The following ACER3 variants were observed in gnomAD, a reference collection of about 807,000 sequenced individuals.
The protein encoded by ACER3 is alkaline ceramidase 3.
ACER3 carries 16 observed loss-of-function variants against 48.9 expected under a neutral mutation model. That is an observed-to-expected ratio of 0.33 (90% confidence interval 0.22 to 0.50). The LOEUF (loss-of-function observed/expected upper bound fraction) is 0.50. ACER3 is among the 20% of genes least tolerant of loss of function. The probability of loss-of-function intolerance (pLI) is 0.98; values close to 1 mark genes in which losing one functional copy is unlikely to be tolerated. For synonymous variants in ACER3, 109 were observed against 107.8 expected (o/e 1.01, Z -0.07); for missense variants, 227 against 326.0 (o/e 0.70, Z 2.34).
Position 76,974,381 on chromosome 11 carries a change from A to C in ACER3, c.268-1908A>C, listed in dbSNP as rs1342371971. On this transcript the variant is annotated intron_variant, in intron 3 of 10. Coordinates refer to ENST00000532485, the MANE Select transcript of ACER3 (RefSeq NM_018367.7). ...TTCTTACTTTTATTGTTTCTGGATA[A>C]AGATCAGTCTTAGTACTAAGGTAAG... is the stretch of plus-strand genomic sequence containing the variant. Among the ~76,000 whole-genome samples the C allele has an allele frequency of 2.0e-5, 3 of 152,226 alleles. No individual in the cohort carries two copies. In the East Asian group the frequency reaches 5.8e-4, roughly 29 times the overall value.
At chr11:76,868,883 A>G (rs1362799850) in intron 1 of ACER3, among the ~76,000 whole-genome samples, 3 of 152,262 alleles carry the variant, frequency 2.0e-5, no homozygotes, top group African/African-American at 7.2e-5. Context: ...AGGAAGGTGA[A>G]CAAGAACTCA....
chr11:76,861,528 A>G lies in ACER3; in HGVS notation c.103+449A>G, dbSNP rs370176093. On this transcript the variant is annotated intron_variant, in intron 1 of 10. Coordinates refer to ENST00000532485, the MANE Select transcript of ACER3 (RefSeq NM_018367.7). ...AGTTCCTAGCTTCGTCTTTCCCCCA[A>G]TCCGTGAGAATTCTACCGTCTTTCC... 5.3e-5 allele frequency among the ~76,000 whole-genome samples: 8 copies of G among 152,028 alleles called. No individual in the cohort carries two copies. In the East Asian group the frequency reaches 7.7e-4, roughly 15 times the overall value.
intron 1 of ACER3, among the ~76,000 whole-genome samples, chr11:76,890,847 C>T (rs1486079105): frequency 6.6e-6 from 1 of 152,092 alleles, no homozygotes; most frequent in Non-Finnish European, 1.5e-5. Flanking sequence ...TCACCGGGTG[C>T]GGTGGCTCAC....
Position 76,861,030 on chromosome 11 carries a change from G to A in ACER3, c.54G>A (p.Leu18=). The change falls in exon 1 of 11, where the codon CTG becomes CTA. Residue 18 remains leucine (L), a synonymous_variant. Transcript: ENST00000532485. ...ACTGGGGCCCCACGACCTCCACGCT[G>A]GACTGGTGCGAGGAGAACTACTCCG... ...EGYWGPTTST[L]DWCEENYSVT... 6.5e-7 allele frequency: 1 copy of A among 1,548,412 alleles called. No individual in the cohort carries two copies. Among genetic ancestry groups the A allele is most frequent in the Admixed American group, 2.0e-5 (1 of 50,988 alleles).
intron 1 of ACER3, among the ~76,000 whole-genome samples, chr11:76,913,224 C>G (rs563173123): frequency 6.6e-6 from 1 of 152,084 alleles, no homozygotes; most frequent in African/African-American, 2.4e-5. Context: ...GATTTTGTAT[C>G]CTGAGACTTT....
intron 7 of ACER3, among the ~76,000 whole-genome samples, chr11:77,014,167 G>T (rs566337517): frequency 6.6e-6 from 1 of 152,160 alleles, no homozygotes; most frequent in Non-Finnish European, 1.5e-5. Flanking sequence ...TAGGTAAGCT[G>T]ATACTATTTT....
intron 7 of ACER3, among the ~76,000 whole-genome samples, chr11:77,013,773 T>C (rs1949313394): frequency 1.3e-5 from 2 of 152,162 alleles, no homozygotes; most frequent in African/African-American, 4.8e-5. Context: ...TAAAGTGTTA[T>C]TTGTGAATGT....
At chr11:76,959,329 TTCAC>T in intron 3 of ACER3, 1 of 819,068 alleles carries the variant, frequency 1.2e-6, no homozygotes, top group Non-Finnish European at 1.7e-6. Context: ...ACATAATCAG[TTCAC>T]CAGAACAATA....
intron 1 of ACER3, 132 bp downstream of exon 1, chr11:76,861,211 C>A: frequency 4.9e-6 from 4 of 810,260 alleles, no homozygotes; most frequent in Non-Finnish European, 7.4e-6. Context: ...TGGAATGCGG[C>A]GCCCTGGGCC....
At chr11:77,007,541 A>G (rs898740340) in intron 7 of ACER3, among the ~76,000 whole-genome samples, 1 of 152,154 alleles carries the variant, frequency 6.6e-6, no homozygotes, top group African/African-American at 2.4e-5. Context: ...ATTATTTCTT[A>G]CCATCTGGTT....
chr11:76,999,382 T>TG (rs1355309951), intron 7 of ACER3, among the ~76,000 whole-genome samples: 1 of 151,310 alleles, frequency 6.6e-6, no homozygotes, highest in East Asian at 1.9e-4. Context: ...TGGGTTTGTT[T>TG]TTTTTTTCTT....
intron 2 of ACER3, among the ~76,000 whole-genome samples, chr11:76,954,778 G>A (rs1205453420): frequency 6.6e-6 from 1 of 151,800 alleles, no homozygotes; most frequent in African/African-American, 2.4e-5. Flanking sequence ...CCTTCTGTAT[G>A]CTTTGTAGAG....
Position 76,915,068 on chromosome 11 carries a change from T to G in ACER3, c.104-11489T>G, listed in dbSNP as rs536640514. Among the ~76,000 whole-genome samples, 4 of 152,082 alleles carry G rather than the reference T, an allele frequency of 2.6e-5. No homozygotes were observed. The South Asian group carries it at 8.3e-4, about 32-fold the overall frequency. On this transcript the variant is annotated intron_variant, in intron 1 of 10. Transcript: ENST00000532485. ...GTTGTGGGGTGGGGAGGGATAGCAT[T>G]AGGAGATATACCTAATGTAAATGAC...
chr11:76,935,420 G>C (rs1209480243), intron 2 of ACER3, among the ~76,000 whole-genome samples: 1 of 152,142 alleles, frequency 6.6e-6, no homozygotes, highest in East Asian at 1.9e-4. Flanking sequence ...GATTTAGAAT[G>C]ATCAATTTTG....
intron 3 of ACER3, 192 bp downstream of exon 3, chr11:76,959,223 T>G (rs1042242935): frequency 6.8e-7 from 1 of 1,464,968 alleles, no homozygotes; most frequent in African/African-American, 1.4e-5. Flanking sequence ...GGAAAACAAG[T>G]ACAAATAGTA....
At chr11:76,901,636 T>A (rs772881813) in intron 1 of ACER3, among the ~76,000 whole-genome samples, 47 of 152,156 alleles carry the variant, frequency 3.1e-4, no homozygotes, top group Admixed American at 4.6e-4. Context: ...GCAATTCCTG[T>A]CCCTTTTAAG....
intron 1 of ACER3, among the ~76,000 whole-genome samples, chr11:76,914,545 A>G (rs1946471481): frequency 6.6e-6 from 1 of 152,178 alleles, no homozygotes; most frequent in Non-Finnish European, 1.5e-5. Context: ...TCAGGAAACA[A>G]CACGTGCTGG....
chr11:76,919,236 A>C (rs1946621329), intron 1 of ACER3, among the ~76,000 whole-genome samples: 1 of 152,172 alleles, frequency 6.6e-6, no homozygotes, highest in African/African-American at 2.4e-5. Flanking sequence ...TATTCAGCCA[A>C]ATGTTGGAAA....
chr11:76,990,536 CA>C lies in ACER3; in HGVS notation c.403-2del, dbSNP rs1318257678. On this transcript the variant is annotated splice_acceptor_variant, in intron 5 of 10. Transcript: ENST00000532485. LOFTEE classifies it high-confidence loss of function. ...CACATGTGTTTTTTCTAATATTTTG[CA>C]GGTTTACCTTAAGGTAAAAGAGCCG... 6.7e-7 allele frequency: 1 copy of C among 1,500,950 alleles called. No individual in the cohort carries two copies. The highest frequency in any genetic ancestry group is 1.7e-5 in the Admixed American group (1 of 58,630). 93.0% of individuals were successfully genotyped at this position (1,500,950 alleles called of 1,614,324 possible).
Sources: allele counts gnomAD v4.1 joint callset (sites outside exome capture counted in the v4.1 genomes callset), GRCh38; gene constraint gnomAD v4.1.1; transcripts MANE v1.5; gene names NCBI Gene and HGNC (gene_info 2026-07-23, HGNC 2026-07-21).